The following DOCK1 variants were observed in gnomAD, a reference collection of about 807,000 sequenced individuals.
The protein encoded by DOCK1 is dedicator of cytokinesis 1.
DOCK1 carries 138 observed loss-of-function variants against 262.7 expected under a neutral mutation model. That is an observed-to-expected ratio of 0.53 (90% confidence interval 0.46 to 0.61). The LOEUF (loss-of-function observed/expected upper bound fraction) is 0.61. DOCK1 is among the 20% of genes least tolerant of loss of function. DOCK1 has a pLI of 0.00. For synonymous variants in DOCK1, 866 were observed against 867.4 expected, an observed-to-expected ratio of 1.00 and a Z score of 0.03; for missense variants, 1,908 against 2,370.7, an observed-to-expected ratio of 0.80 and a Z score of 4.05.
At chr10:127,114,562 A>G (rs1419555202) in intron 25 of DOCK1, among the ~76,000 whole-genome samples, 2 of 152,040 alleles carry the variant, frequency 1.3e-5, no homozygotes, top group Non-Finnish European at 2.9e-5. Flanking sequence ...CATCTGATCT[A>G]ATCATTCCTG....
intron 1 of DOCK1, among the ~76,000 whole-genome samples, chr10:126,921,962 A>C (rs1004363622): frequency 5.3e-5 from 8 of 152,158 alleles, no homozygotes; most frequent in Admixed American, 1.3e-4. Context: ...CTGTGGCCCC[A>C]AAACCTTGGG....
At chr10:127,219,944 A>T (rs1392495297) in intron 27 of DOCK1, among the ~76,000 whole-genome samples, 1 of 152,116 alleles carries the variant, frequency 6.6e-6, no homozygotes, top group Non-Finnish European at 1.5e-5. Context: ...CATTCACAGG[A>T]TAGTCTTACT....
At chr10:127,173,813 C>T (rs1381009502) in intron 27 of DOCK1, among the ~76,000 whole-genome samples, 1 of 152,108 alleles carries the variant, frequency 6.6e-6, no homozygotes, top group East Asian at 1.9e-4. Flanking sequence ...AGATGTAAAC[C>T]CAAGATTGAA....
intron 27 of DOCK1, among the ~76,000 whole-genome samples, chr10:127,217,960 C>G (rs1368257912): frequency 6.6e-6 from 1 of 151,612 alleles, no homozygotes; most frequent in Non-Finnish European, 1.5e-5. Flanking sequence ...TTCCCCATTG[C>G]TTTTTTCTTT....
intron 6 of DOCK1, among the ~76,000 whole-genome samples, chr10:126,993,143 G>C (rs1258015773): frequency 6.6e-6 from 1 of 152,224 alleles, no homozygotes; most frequent in African/African-American, 2.4e-5. Flanking sequence ...GGGTCTGACG[G>C]TCTGCCCTGG....
intron 27 of DOCK1, among the ~76,000 whole-genome samples, chr10:127,198,562 G>T (rs905796919): frequency 2.6e-5 from 4 of 152,158 alleles, no homozygotes; most frequent in Non-Finnish European, 4.4e-5. Flanking sequence ...TCTGAGATTC[G>T]CATGATGTAT....
Position 127,274,719 on chromosome 10 carries a change from G to A in DOCK1, c.3044+17290G>A, listed in dbSNP as rs528003084. ...AAAGATAAAGAAGCGGGCTTGCGAG[G>A]TGGGAGTGTTCCCGAGCTCTGTTTT... On this transcript the variant is annotated intron_variant, in intron 29 of 51. Transcript: ENST00000623213. Among the ~76,000 whole-genome samples, 8 of 152,336 alleles carry A rather than the reference G, an allele frequency of 5.3e-5. No homozygotes were observed. In the East Asian group the frequency reaches 9.7e-4, roughly 18 times the overall value.
chr10:127,145,318 A>AC (rs2051703850), intron 27 of DOCK1, among the ~76,000 whole-genome samples: 3 of 152,176 alleles, frequency 2.0e-5, no homozygotes, highest in Admixed American at 1.3e-4. Flanking sequence ...ACACCCCATG[A>AC]CTAACAGCAC....
intron 4 of DOCK1, among the ~76,000 whole-genome samples, chr10:126,986,394 G>C (rs1430010726): frequency 6.6e-6 from 1 of 152,132 alleles, no homozygotes; most frequent in Non-Finnish European, 1.5e-5. Context: ...AACTATTGTA[G>C]CATCCCTCGG....
intron 1 of DOCK1, among the ~76,000 whole-genome samples, chr10:126,920,507 A>T (rs957976942): frequency 6.6e-6 from 1 of 152,238 alleles, no homozygotes; most frequent in African/African-American, 2.4e-5. Flanking sequence ...TCCTGCCACC[A>T]GTCTTTTCTG....
intron 31 of DOCK1, among the ~76,000 whole-genome samples, chr10:127,353,598 G>A (rs1017939289): frequency 6.6e-6 from 1 of 152,220 alleles, no homozygotes; most frequent in Non-Finnish European, 1.5e-5. Context: ...TTAGGGCTGC[G>A]CTTAGAGCTA....
At chr10:126,957,645 G>A (rs1388292541) in intron 1 of DOCK1, among the ~76,000 whole-genome samples, 1 of 152,012 alleles carries the variant, frequency 6.6e-6, no homozygotes, top group Non-Finnish European at 1.5e-5. Context: ...ATCATGCCTA[G>A]CTAATATATT....
At chr10:127,371,069 A>G (rs1039017469) in intron 33 of DOCK1, among the ~76,000 whole-genome samples, 2 of 152,276 alleles carry the variant, frequency 1.3e-5, no homozygotes, top group Non-Finnish European at 2.9e-5. Flanking sequence ...GATAATAAGC[A>G]TGATTTTGAT....
chr10:127,357,373 G>A (rs936910079), intron 32 of DOCK1, among the ~76,000 whole-genome samples: 1 of 152,212 alleles, frequency 6.6e-6, no homozygotes, highest in African/African-American at 2.4e-5. Context: ...GGAAGGAAAG[G>A]CGGGCCCAGA....
chr10:127,174,086 C>T (rs147795881), intron 27 of DOCK1, among the ~76,000 whole-genome samples: 6 of 152,334 alleles, frequency 3.9e-5, no homozygotes, highest in Non-Finnish European at 8.8e-5. Flanking sequence ...CTGTCTAACT[C>T]AGCCACAGCA....
rs749247725 is a variant in DOCK1, at chr10:127,444,111, G to A, written c.5260-15G>A. The A allele has an allele frequency of 9.1e-5, 142 of 1,552,938 alleles. 1 individual carries two copies. The highest frequency in any genetic ancestry group is 1.2e-4 in the Non-Finnish European group (133 of 1,148,178). On this transcript the variant is annotated splice_polypyrimidine_tract_variant and intron_variant, in intron 49 of 51. Transcript: ENST00000623213. Reference sequence around the variant, plus strand: ...AACAGACCGTAACTGTGCTCTTTCTGTCCTTTTGATGTAGATAAGTCCCCT... The same window carrying A: ...AACAGACCGTAACTGTGCTCTTTCTATCCTTTTGATGTAGATAAGTCCCCT...
At chr10:127,368,860 T>C (rs1372571680) in intron 33 of DOCK1, among the ~76,000 whole-genome samples, 5 of 152,200 alleles carry the variant, frequency 3.3e-5, no homozygotes, top group Non-Finnish European at 5.9e-5. Context: ...GTTACGCCTT[T>C]GGAAAATACA....
Position 127,384,816 on chromosome 10 carries a change from C to T in DOCK1, c.3834C>T (p.His1278=), listed in dbSNP as rs760941230. Residue 1278 remains histidine, a synonymous_variant, in exon 38 of 52, where the codon CAC becomes CAT. Coordinates refer to ENST00000623213, the MANE Select transcript of DOCK1 (RefSeq NM_001290223.2). The part of the protein sequence containing the change: ...LKWSEDVCVA[H]LTQRDGYQAT... ...GGTCGGAGGATGTGTGTGTGGCCCACCTCACCCAGCGGGACGGGTACCAGG... is the reference window on the plus strand; with the variant it reads ...GGTCGGAGGATGTGTGTGTGGCCCATCTCACCCAGCGGGACGGGTACCAGG... 4.4e-6 allele frequency: 7 copies of T among 1,603,042 alleles called. No individual in the cohort carries two copies. The African/African-American group carries it at 9.4e-5, about 22-fold the overall frequency.
chr10:127,373,141 G>T, intron 33 of DOCK1, among the ~76,000 whole-genome samples: 1 of 152,144 alleles, frequency 6.6e-6, no homozygotes. Flanking sequence ...ATAATTAGCT[G>T]GTACTGGCGA....
Sources: allele counts gnomAD v4.1 joint callset (sites outside exome capture counted in the v4.1 genomes callset), GRCh38; gene constraint gnomAD v4.1.1; transcripts MANE v1.5; gene names NCBI Gene and HGNC (gene_info 2026-07-23, HGNC 2026-07-21).